ROR1: variants seen among roughly 807,000 people sequenced by gnomAD.
The protein encoded by ROR1 is inactive tyrosine-protein kinase transmembrane receptor ROR1.
Under a neutral mutation model 78.8 loss-of-function variants are expected in ROR1, and 19 were observed. The observed-to-expected ratio is 0.24, with a 90% CI of 0.17 to 0.35. The LOEUF is 0.35. ROR1 is among the 10% of genes least tolerant of loss of function. The pLI, the probability that ROR1 is intolerant of heterozygous loss-of-function variation, is 1.00. For missense variants in ROR1, 917 were observed against 1,177.8 expected, an observed-to-expected ratio of 0.78 and a Z score of 3.24; for synonymous variants, 386 against 433.6, an observed-to-expected ratio of 0.89 and a Z score of 1.36.
chr1:63,851,798 A>T (rs1645115621), intron 1 of ROR1, among the ~76,000 whole-genome samples: 1 of 152,244 alleles, frequency 6.6e-6, no homozygotes, highest in Admixed American at 6.5e-5. Context: ...AATGATTTGT[A>T]ATGATTTTGT....
intron 1 of ROR1, among the ~76,000 whole-genome samples, chr1:64,001,086 C>T (rs1208865733): frequency 6.6e-6 from 1 of 152,138 alleles, no homozygotes; most frequent in East Asian, 1.9e-4. Flanking sequence ...AAATGGAAAC[C>T]ACCAAATGTT....
At chr1:64,047,525 C>A (rs772934414) in intron 2 of ROR1, among the ~76,000 whole-genome samples, 35 of 152,142 alleles carry the variant, frequency 2.3e-4, no homozygotes, top group Middle Eastern at 3.2e-3. Flanking sequence ...CAGAACCTGT[C>A]CAATGCAGTA....
At position 64,177,677 on chromosome 1, in the gene ROR1, C is replaced by T; in HGVS notation, c.1636C>T (p.Gln546Ter). 2 of 1,614,122 alleles carry T rather than the reference C, an allele frequency of 1.2e-6. No individual in the cohort carries two copies. Among genetic ancestry groups the T allele is most frequent in the Non-Finnish European group, 1.7e-6 (2 of 1,179,956 alleles). Reference protein sequence around the residue: ...VCLLGAVTQEQPVCMLFEYIN... With the variant: ...VCLLGAVTQE Reference sequence around the variant, plus strand: ...CCTTCTAGGTGCCGTCACTCAGGAACAACCTGTGTGCATGCTTTTTGAGTA... The same window carrying T: ...CCTTCTAGGTGCCGTCACTCAGGAATAACCTGTGTGCATGCTTTTTGAGTA... The change falls in exon 9 of 9, where the codon CAA becomes TAA. Residue 546 changes from glutamine (Q) to a stop codon, truncating the protein, a stop_gained. Transcript: ENST00000371079. LOFTEE classifies it high-confidence loss of function.
At chr1:63,970,806 C>A (rs1051024905) in intron 1 of ROR1, among the ~76,000 whole-genome samples, 2 of 152,192 alleles carry the variant, frequency 1.3e-5, no homozygotes, top group Admixed American at 6.5e-5. Context: ...GATGAGAAAG[C>A]TGAGATCCAG....
chr1:63,917,865 T>C (rs1379148060), intron 1 of ROR1, among the ~76,000 whole-genome samples: 1 of 152,124 alleles, frequency 6.6e-6, no homozygotes, highest in Non-Finnish European at 1.5e-5. Context: ...CTCTGCAGGC[T>C]CAGTGATGTG....
At chr1:63,935,207 T>A (rs1255441265) in intron 1 of ROR1, among the ~76,000 whole-genome samples, 2 of 152,010 alleles carry the variant, frequency 1.3e-5, no homozygotes, top group East Asian at 1.9e-4. Context: ...ACAGCAAGAG[T>A]TAATTTTCAG....
At chr1:64,022,787 T>A (rs991301945) in intron 2 of ROR1, among the ~76,000 whole-genome samples, 1 of 152,338 alleles carries the variant, frequency 6.6e-6, no homozygotes, top group East Asian at 1.9e-4. Context: ...TCTGAAATTA[T>A]CTCTGCTTAC....
At chr1:63,844,355 G>A (rs539955044) in intron 1 of ROR1, among the ~76,000 whole-genome samples, 5 of 152,242 alleles carry the variant, frequency 3.3e-5, no homozygotes, top group Admixed American at 6.5e-5. Context: ...CTGGCTTCAC[G>A]CTGGTTAGGC....
chr1:63,889,921 T>C (rs1036474127), intron 1 of ROR1, among the ~76,000 whole-genome samples: 1 of 152,094 alleles, frequency 6.6e-6, no homozygotes, highest in African/African-American at 2.4e-5. Context: ...TAATAAACCA[T>C]GTGAAAGTCT....
intron 1 of ROR1, among the ~76,000 whole-genome samples, chr1:63,813,630 T>C (rs1644873395): frequency 6.6e-6 from 1 of 152,210 alleles, no homozygotes; most frequent in Non-Finnish European, 1.5e-5. Context: ...CCAAATTATT[T>C]TGTGGCCCCT....
chr1:64,165,701 CTTTTTTT>C (rs576997668), intron 8 of ROR1, among the ~76,000 whole-genome samples: 1 of 102,920 alleles, frequency 9.7e-6, no homozygotes, highest in Non-Finnish European at 1.9e-5. Context: ...TCGGGTTTTA[CTTTTTTT>C]TTTTTTTTTT....
intron 2 of ROR1, among the ~76,000 whole-genome samples, chr1:64,030,764 C>T (rs938574813): frequency 8.5e-5 from 13 of 152,194 alleles, no homozygotes; most frequent in African/African-American, 3.1e-4. Context: ...AACCTAACTT[C>T]TCCCATCCCT....
Position 64,170,668 on chromosome 1 carries a change from C to G in ROR1, c.1387-6760C>G, listed in dbSNP as rs188704429. The stretch of plus-strand genomic sequence containing the variant: ...TTTTATTTTCTATTGCATTGTCAGG[C>G]TGCAAATATTCCAAGCTTTTGTTCT... On this transcript the variant is annotated intron_variant, in intron 8 of 8. Transcript: ENST00000371079. Among the ~76,000 whole-genome samples, 94 of 152,298 alleles carry G rather than the reference C, an allele frequency of 6.2e-4. 2 individuals are homozygous for G. Among genetic ancestry groups the G allele is most frequent in the Admixed American group, 3.3e-4 (5 of 15,294 alleles).
chr1:64,066,973 T>G (rs1170761969), intron 4 of ROR1, among the ~76,000 whole-genome samples: 1 of 152,012 alleles, frequency 6.6e-6, no homozygotes. Flanking sequence ...TATCTCATAT[T>G]TTTTTTTCTA....
chr1:64,012,205 T>A (rs1646481574), intron 2 of ROR1, among the ~76,000 whole-genome samples: 1 of 152,184 alleles, frequency 6.6e-6, no homozygotes. Flanking sequence ...CCCATGGGGA[T>A]AAGAGTTGGA....
chr1:64,084,502 G>A (rs1332457855), intron 4 of ROR1, among the ~76,000 whole-genome samples: 1 of 152,172 alleles, frequency 6.6e-6, no homozygotes, highest in Non-Finnish European at 1.5e-5. Context: ...TCTTGGGTAT[G>A]CAACTCTACA....
intron 1 of ROR1, among the ~76,000 whole-genome samples, chr1:63,869,946 G>T (rs1645241244): frequency 6.6e-6 from 1 of 152,150 alleles, no homozygotes; most frequent in African/African-American, 2.4e-5. Context: ...AAGCTAATTT[G>T]TTTATAGTTG....
At chr1:64,136,302 A>C (rs886302758) in intron 4 of ROR1, among the ~76,000 whole-genome samples, 1 of 151,566 alleles carries the variant, frequency 6.6e-6, no homozygotes, top group Non-Finnish European at 1.5e-5. Context: ...TGTTCTCCTG[A>C]CTTTGCTCTG....
chr1:63,788,131 G>A (rs908655887), intron 1 of ROR1, among the ~76,000 whole-genome samples: 1 of 152,148 alleles, frequency 6.6e-6, no homozygotes, highest in Admixed American at 6.5e-5. Flanking sequence ...CTTTCATGAG[G>A]TTATTGTGTT....
Sources: gnomAD v4.1 joint callset for allele counts (sites outside exome capture counted in the v4.1 genomes callset) on GRCh38, gnomAD v4.1.1 for gene constraint, MANE v1.5 for transcripts, NCBI Gene and HGNC (gene_info 2026-07-23, HGNC 2026-07-21) for gene names.